Variants in NGEF observed in about 807,000 individuals in gnomAD.
NGEF encodes the protein neuronal guanine nucleotide exchange factor.
NGEF carries 31 observed loss-of-function variants against 80.9 expected under a neutral mutation model. That is an observed-to-expected ratio of 0.38 (90% CI 0.29 to 0.52). The LOEUF (loss-of-function observed/expected upper bound fraction) is 0.52, where lower values mean the gene tolerates loss of function less well. Among genes scored for constraint, NGEF ranks in the 20% least tolerant of loss-of-function variants. NGEF has a pLI of 0.84. For synonymous variants in NGEF, 371 were observed against 370.2 expected, an observed-to-expected ratio of 1.00 and a Z score of -0.03; for missense variants, 709 against 926.2, an observed-to-expected ratio of 0.77 and a Z score of 3.04.
At chr2:232,886,023 C>T (rs1691670568) in intron 9 of NGEF, among the ~76,000 whole-genome samples, 2 of 151,350 alleles carry the variant, frequency 1.3e-5, no homozygotes, top group South Asian at 4.1e-4. Context: ...ACTCCACCTG[C>T]ACTCGAATGC....
chr2:232,888,441 T>C (rs915241152), intron 8 of NGEF, among the ~76,000 whole-genome samples: 3 of 152,004 alleles, frequency 2.0e-5, no homozygotes, highest in African/African-American at 4.8e-5. Context: ...TGCTCACACA[T>C]GCACAACACG....
chr2:232,879,425 C>CCA lies in NGEF; in HGVS notation c.*63_*64insTG. On this transcript the variant is annotated 3_prime_UTR_variant, in exon 15 of 15. Transcript: ENST00000264051. ...GCTGGCCTGTGCTTCCCAGAGCCCC[C>CCA]CCCCCCCCACCTTCTGTCGGGGTCT... 1 of 1,424,244 alleles carries CCA rather than the reference C, an allele frequency of 7.0e-7. No homozygotes were observed. Among genetic ancestry groups the CCA allele is most frequent in the Non-Finnish European group, 9.6e-7 (1 of 1,046,676 alleles). 88.2% of individuals were successfully genotyped at this position (1,424,244 alleles called of 1,614,324 possible).
At chr2:232,893,745 A>G (rs890664165) in intron 6 of NGEF, among the ~76,000 whole-genome samples, 4 of 152,322 alleles carry the variant, frequency 2.6e-5, no homozygotes, top group South Asian at 2.1e-4. Flanking sequence ...ATTGCACTAC[A>G]GCCTGGGCAA....
At chr2:232,923,081 A>C (rs991185592) in intron 4 of NGEF, among the ~76,000 whole-genome samples, 1 of 151,750 alleles carries the variant, frequency 6.6e-6, no homozygotes, top group African/African-American at 2.4e-5. Context: ...AGAAAAAAAA[A>C]CAAAAAACAA....
chr2:232,882,062 G>T, intron 13 of NGEF, 124 bp downstream of exon 13: 1 of 819,198 alleles, frequency 1.2e-6, no homozygotes, highest in Non-Finnish European at 2.0e-6. Context: ...GGAGGCCCGT[G>T]CAGGCCTCTG....
intron 3 of NGEF, among the ~76,000 whole-genome samples, chr2:232,949,725 T>C (rs1453693373): frequency 7.2e-6 from 1 of 139,724 alleles, no homozygotes; most frequent in Admixed American, 7.6e-5. Context: ...GTGATCTGCC[T>C]GCCTCAGACT....
Position 232,891,620 on chromosome 2 carries a change from G to A in NGEF, c.1143-133C>T, listed in dbSNP as rs551690120. The A allele has an allele frequency of 1.0e-5, 11 of 1,050,240 alleles. No homozygotes were observed. In the South Asian group the frequency reaches 1.6e-4, roughly 15 times the overall value. 65.1% of individuals were successfully genotyped at this position (1,050,240 alleles called of 1,614,324 possible). On this transcript the variant is annotated intron_variant, in intron 7 of 14. Coordinates refer to ENST00000264051, the MANE Select transcript of NGEF (RefSeq NM_019850.3). ...AGAAAACATGTTGATTTCTTTCTTT[G>A]TTTTTTTTCAAAAGGAAAATAGACT...
At chr2:232,891,585 C>T in intron 7 of NGEF, 98 bp from the exon 8 acceptor site, 1 of 1,360,544 alleles carries the variant, frequency 7.3e-7, no homozygotes, top group Non-Finnish European at 1.0e-6. Flanking sequence ...TCCAGACGAC[C>T]CACGGGCTCA....
At chr2:232,962,222 T>A (rs1693967286) in intron 3 of NGEF, among the ~76,000 whole-genome samples, 1 of 152,162 alleles carries the variant, frequency 6.6e-6, no homozygotes, top group African/African-American at 2.4e-5. Flanking sequence ...GAGAAACAAA[T>A]AGAAGTCGTG....
At chr2:232,922,313 G>A (rs1331939984) in intron 4 of NGEF, among the ~76,000 whole-genome samples, 1 of 152,174 alleles carries the variant, frequency 6.6e-6, no homozygotes, top group African/African-American at 2.4e-5. Flanking sequence ...TTATATTCAT[G>A]AACAGGAAGC....
chr2:232,899,506 G>C (rs796174921), intron 5 of NGEF, among the ~76,000 whole-genome samples: 5 of 151,966 alleles, frequency 3.3e-5, no homozygotes, highest in African/African-American at 1.2e-4. Context: ...GTCTCCTTTG[G>C]TTTTCACACA....
chr2:232,901,965 C>T (rs904396492), intron 5 of NGEF, among the ~76,000 whole-genome samples: 7 of 152,224 alleles, frequency 4.6e-5, no homozygotes, highest in Non-Finnish European at 1.0e-4. Flanking sequence ...AGTCTGTCCT[C>T]GGCAGGGCAG....
Position 232,882,117 on chromosome 2 carries a change from G to A in NGEF, c.1837+69C>T, listed in dbSNP as rs1024449722. The A allele has an allele frequency of 3.6e-5, 50 of 1,407,016 alleles. 1 individual carries two copies. The highest frequency in any genetic ancestry group is 4.9e-5 in the Non-Finnish European group (49 of 1,003,322). 87.2% of individuals were successfully genotyped at this position (1,407,016 alleles called of 1,614,324 possible). On this transcript the variant is annotated intron_variant, in intron 13 of 14. Coordinates refer to ENST00000264051, the MANE Select transcript of NGEF (RefSeq NM_019850.3). ...GGCTTCCCTCCAGGCAGGGCACACC[G>A]TGCACCTGCGGCATCCGGCAGGGCC...
intron 4 of NGEF, 51 bp downstream of exon 4, chr2:232,926,992 TC>T: frequency 6.2e-7 from 1 of 1,612,820 alleles, no homozygotes; most frequent in East Asian, 2.2e-5. Flanking sequence ...CTCAGAGTCC[TC>T]CAGGGACCCG....
chr2:233,000,910 A>G (rs1300284409), intron 1 of NGEF, among the ~76,000 whole-genome samples: 1 of 152,184 alleles, frequency 6.6e-6, no homozygotes, highest in Non-Finnish European at 1.5e-5. Context: ...TGAAGGGAAC[A>G]CTTGGATTTC....
At chr2:232,897,680 C>A (rs1212339269) in intron 5 of NGEF, among the ~76,000 whole-genome samples, 3 of 152,218 alleles carry the variant, frequency 2.0e-5, no homozygotes, top group Non-Finnish European at 4.4e-5. Context: ...GAACCACCAT[C>A]AGTAGCCAGG....
At chr2:232,972,330 A>G (rs1397743066) in intron 2 of NGEF, among the ~76,000 whole-genome samples, 1 of 152,238 alleles carries the variant, frequency 6.6e-6, no homozygotes, top group Non-Finnish European at 1.5e-5. Flanking sequence ...ATTATTAACT[A>G]CAGGATAAAA....
rs1417940614 is a variant in NGEF at position 232,899,760 on chromosome 2, TCA to T, written c.829-4846_829-4845del. 2.7e-3 allele frequency among the ~76,000 whole-genome samples: 382 copies of T among 142,678 alleles called. 2 individuals carry two copies. The highest frequency in any genetic ancestry group is 8.6e-3 in the African/African-American group (326 of 37,890). The allele number at this position is 142,678 out of a possible 152,430, so 93.6% of individuals were successfully genotyped here. A position where few individuals can be genotyped will look rare whatever the true frequency, so the allele number is the denominator to read the frequency against. ...CTCACATTCACTTACACACGTGCTC[TCA>T]CAGTCACTCATATACACGTTCACTC... On this transcript the variant is annotated intron_variant, in intron 5 of 14. Transcript: ENST00000264051.
At chr2:232,985,872 G>A (rs1022192801) in intron 1 of NGEF, among the ~76,000 whole-genome samples, 4 of 151,740 alleles carry the variant, frequency 2.6e-5, no homozygotes, top group Admixed American at 2.6e-4. Flanking sequence ...CTGGGAAGCA[G>A]AGGTTGCAGT....
Sources: gnomAD v4.1 joint callset for allele counts (sites outside exome capture counted in the v4.1 genomes callset) on GRCh38, gnomAD v4.1.1 for gene constraint, MANE v1.5 for transcripts, NCBI Gene and HGNC (gene_info 2026-07-23, HGNC 2026-07-21) for gene names.